GALNT13: variants seen among roughly 807,000 people sequenced by gnomAD.
GALNT13 encodes polypeptide N-acetylgalactosaminyltransferase 13.
Under a neutral mutation model 64.2 loss-of-function variants are expected in GALNT13, and 28 were observed. That is an observed-to-expected ratio of 0.44 (90% CI 0.32 to 0.60). The LOEUF (loss-of-function observed/expected upper bound fraction) is 0.60, where lower values mean the gene tolerates loss of function less well. GALNT13 is among the 20% of genes least tolerant of loss of function. The pLI, the probability that GALNT13 is intolerant of heterozygous loss-of-function variation, is 0.05. For synonymous variants in GALNT13, 214 were observed against 224.6 expected (o/e 0.95, Z 0.42); for missense variants, 577 against 669.8 (o/e 0.86, Z 1.53).
intron 9 of GALNT13, among the ~76,000 whole-genome samples, chr2:154,366,963 G>A (rs1697398451): frequency 1.3e-5 from 2 of 152,108 alleles, no homozygotes; most frequent in South Asian, 4.1e-4. Context: ...TGTAAAGGAA[G>A]AAATACCATG....
intron 4 of GALNT13, among the ~76,000 whole-genome samples, chr2:154,210,654 G>C (rs535730614): frequency 6.6e-6 from 1 of 152,244 alleles, no homozygotes; most frequent in South Asian, 2.1e-4. Context: ...ACACTTAATG[G>C]TCTTACACTG....
At chr2:154,318,186 T>C (rs1463564160) in intron 9 of GALNT13, among the ~76,000 whole-genome samples, 2 of 151,658 alleles carry the variant, frequency 1.3e-5, no homozygotes, top group African/African-American at 4.9e-5. Context: ...TATCCCTGGC[T>C]TTATGATAAT....
chr2:153,917,864 G>T (rs1222364208), intron 2 of GALNT13, among the ~76,000 whole-genome samples: 1 of 148,668 alleles, frequency 6.7e-6, no homozygotes, highest in African/African-American at 2.5e-5. Flanking sequence ...GAGAGAGAGA[G>T]AAAAAAGAGG....
chr2:153,129,753 A>G, the GALNT13 span, among the ~76,000 whole-genome samples: 1 of 151,236 alleles, frequency 6.6e-6, no homozygotes, highest in Non-Finnish European at 1.5e-5. Flanking sequence ...CTGGTGACAG[A>G]GTGAGACTCT....
At chr2:153,156,780 C>A in the GALNT13 span, among the ~76,000 whole-genome samples, 2 of 152,140 alleles carry the variant, frequency 1.3e-5, no homozygotes, top group Non-Finnish European at 2.9e-5. Context: ...AGCTCTACTG[C>A]AGAATGAGGA....
chr2:153,287,765 G>A, the GALNT13 span, among the ~76,000 whole-genome samples: 1 of 152,092 alleles, frequency 6.6e-6, no homozygotes, highest in South Asian at 2.1e-4. Flanking sequence ...GTTTGTGCCC[G>A]CTATGGTCTC....
At chr2:154,190,046 G>T (rs1259613393) in intron 4 of GALNT13, among the ~76,000 whole-genome samples, 1 of 152,114 alleles carries the variant, frequency 6.6e-6, no homozygotes. Context: ...TGTCCTTCTT[G>T]TGTGTGTTTT....
intron 10 of GALNT13, among the ~76,000 whole-genome samples, chr2:154,396,407 A>G (rs1699055159): frequency 6.6e-6 from 1 of 152,054 alleles, no homozygotes; most frequent in South Asian, 2.1e-4. Context: ...TACCCCAAAC[A>G]CCTTTTGTTC....
the GALNT13 span, among the ~76,000 whole-genome samples, chr2:153,693,844 G>A: frequency 2.0e-5 from 3 of 152,096 alleles, no homozygotes; most frequent in Non-Finnish European, 4.4e-5. Context: ...GCTGGGCGCG[G>A]TGGCTCACTC....
chr2:153,537,839 G>A, the GALNT13 span, among the ~76,000 whole-genome samples: 2 of 152,166 alleles, frequency 1.3e-5, no homozygotes, highest in Non-Finnish European at 2.9e-5. Context: ...GTTTCCTGAG[G>A]CCTCCTCAGC....
At chr2:153,565,454 T>C in the GALNT13 span, among the ~76,000 whole-genome samples, 1 of 152,170 alleles carries the variant, frequency 6.6e-6, no homozygotes, top group Non-Finnish European at 1.5e-5. Context: ...AGCAAGGCTT[T>C]TTGTCTTAAA....
the GALNT13 span, among the ~76,000 whole-genome samples, chr2:153,444,310 T>C: frequency 6.6e-6 from 1 of 152,182 alleles, no homozygotes; most frequent in Non-Finnish European, 1.5e-5. Flanking sequence ...ACTTTGTTAG[T>C]CACAGAACAA....
chr2:153,584,706 T>G, the GALNT13 span, among the ~76,000 whole-genome samples: 1 of 152,244 alleles, frequency 6.6e-6, no homozygotes, highest in African/African-American at 2.4e-5. Flanking sequence ...ATAGATACAC[T>G]TAATCCACCA....
intron 3 of GALNT13, among the ~76,000 whole-genome samples, chr2:153,970,469 G>T (rs1364670730): frequency 2.0e-5 from 3 of 152,142 alleles, no homozygotes; most frequent in Non-Finnish European, 2.9e-5. Context: ...AGGCCAGGAA[G>T]CAGAATTAGA....
the GALNT13 span, among the ~76,000 whole-genome samples, chr2:153,715,889 A>G: frequency 6.6e-6 from 1 of 150,854 alleles, no homozygotes; most frequent in East Asian, 2.0e-4. Flanking sequence ...ACCAGCCACA[A>G]TTGCAAACTG....
chr2:153,603,426 A>G, the GALNT13 span, among the ~76,000 whole-genome samples: 1 of 151,966 alleles, frequency 6.6e-6, no homozygotes, highest in Non-Finnish European at 1.5e-5. Context: ...TCATTCTGGA[A>G]CAGATACCCA....
intron 3 of GALNT13, among the ~76,000 whole-genome samples, chr2:154,107,275 T>G (rs920150296): frequency 5.3e-5 from 8 of 152,118 alleles, no homozygotes; most frequent in African/African-American, 1.9e-4. Flanking sequence ...CAAATATCTG[T>G]TAACTAAAAC....
At chr2:153,744,078 T>C in the GALNT13 span, among the ~76,000 whole-genome samples, 1 of 152,160 alleles carries the variant, frequency 6.6e-6, no homozygotes, top group Non-Finnish European at 1.5e-5. Context: ...ATCCACCTGT[T>C]GATGGACACT....
chr2:153,440,533 T>C, the GALNT13 span, among the ~76,000 whole-genome samples: 1 of 152,344 alleles, frequency 6.6e-6, no homozygotes, highest in East Asian at 1.9e-4. Flanking sequence ...CACACTGTTT[T>C]CCACAATGGT....
Sources: allele counts gnomAD v4.1 joint callset (sites outside exome capture counted in the v4.1 genomes callset), GRCh38; gene constraint gnomAD v4.1.1; transcripts MANE v1.5; gene names NCBI Gene and HGNC (gene_info 2026-07-23, HGNC 2026-07-21).